The following PIWIL2 variants were observed in gnomAD, a reference collection of about 807,000 sequenced individuals.
PIWIL2 encodes piwi like RNA-mediated gene silencing 2.
Under a neutral mutation model 116.5 loss-of-function variants are expected in PIWIL2, and 81 were observed. That is an observed-to-expected ratio of 0.70 (90% CI 0.58 to 0.84). The LOEUF is 0.84. Among genes scored for constraint, PIWIL2 ranks in the 40% least tolerant of loss-of-function variants. The pLI is 0.00. For missense variants in PIWIL2, 1,272 were observed against 1,212.3 expected, an observed-to-expected ratio of 1.05 and a Z score of -0.73; for synonymous variants, 489 against 429.5, an observed-to-expected ratio of 1.14 and a Z score of -1.71.
At chr8:22,306,717 G>A (rs1052268415) in intron 13 of PIWIL2, among the ~76,000 whole-genome samples, 2 of 152,200 alleles carry the variant, frequency 1.3e-5, no homozygotes, top group Admixed American at 1.3e-4. Context: ...AGCTTGAAGT[G>A]AAGCTCCAAA....
chr8:22,300,136 G>A (rs918897978), intron 10 of PIWIL2, among the ~76,000 whole-genome samples: 3 of 151,768 alleles, frequency 2.0e-5, no homozygotes, highest in Non-Finnish European at 4.4e-5. Flanking sequence ...TCACTATGTT[G>A]CCCAGGCCGG....
At chr8:22,344,969 G>A (rs1399647016) in intron 20 of PIWIL2, among the ~76,000 whole-genome samples, 3 of 152,220 alleles carry the variant, frequency 2.0e-5, no homozygotes, top group African/African-American at 7.2e-5. Flanking sequence ...TAATGGGATT[G>A]TAAAATAAAA....
intron 10 of PIWIL2, among the ~76,000 whole-genome samples, chr8:22,300,067 C>T (rs78894915): frequency 0.049 from 7,468 of 152,078 alleles, 627 homozygotes; most frequent in African/African-American, 0.17. Context: ...GCTGGGATTA[C>T]AGGTGCCTGC....
intron 10 of PIWIL2, among the ~76,000 whole-genome samples, chr8:22,296,084 C>G (rs1351969906): frequency 7.9e-6 from 1 of 126,780 alleles, no homozygotes; most frequent in Non-Finnish European, 1.6e-5. Flanking sequence ...GAGATGGAGT[C>G]TTGCTCTGTT....
chr8:22,287,366 C>T (rs534439146), intron 6 of PIWIL2, among the ~76,000 whole-genome samples, 162 bp from the exon 7 acceptor site: 2 of 152,252 alleles, frequency 1.3e-5, no homozygotes, highest in African/African-American at 2.4e-5. Context: ...GTTTCAGCTG[C>T]GAGCAGGTCT....
At chr8:22,324,478 T>C (rs894125409) in intron 20 of PIWIL2, among the ~76,000 whole-genome samples, 2 of 152,116 alleles carry the variant, frequency 1.3e-5, no homozygotes, top group African/African-American at 2.4e-5. Context: ...AGAGCAGTGT[T>C]ACACAGGTAC....
chr8:22,314,355 A>G lies in PIWIL2; in HGVS notation c.2017A>G (p.Ile673Val). 2 of 1,577,076 alleles carry G rather than the reference A, an allele frequency of 1.3e-6. No homozygotes were observed. Among genetic ancestry groups the G allele is most frequent in the Non-Finnish European group, 1.7e-6 (2 of 1,159,122 alleles). The change falls in exon 17 of 23, where the codon ATC becomes GTC. Residue 673 changes from isoleucine to valine, a missense_variant. Physicochemically the swap from Ile to Val is conservative, Grantham distance 29. Coordinates refer to ENST00000356766, the MANE Select transcript of PIWIL2 (RefSeq NM_018068.5). ...EGKIQMVVCIIMGPRDDLYGA... is the reference protein window; with the variant it reads ...EGKIQMVVCIVMGPRDDLYGA... Reference sequence around the variant, plus strand: ...GAAGATACAGATGGTTGTTTGCATCATCATGGGCCCACGTGATGATCTCTA... The same window carrying G: ...GAAGATACAGATGGTTGTTTGCATCGTCATGGGCCCACGTGATGATCTCTA...
rs745820996 is a variant in PIWIL2 at position 22,281,412 on chromosome 8, C to G, written c.322C>G (p.Leu108Val). The G allele has an allele frequency of 1.9e-6, 3 of 1,608,236 alleles. No individual in the cohort carries two copies. The highest frequency in any genetic ancestry group is 2.2e-5 in the East Asian group (1 of 44,786). The change falls in exon 4 of 23, where the codon CTG becomes GTG. Residue 108 changes from leucine to valine, a missense_variant. Transcript: ENST00000356766. ...TTTAGGTCGAGGCTTGTCTGCTAAT[C>G]TGGTACGCAAGGACAGGGAGGAACT... ...GILGRGLSAN[L>V]VRKDREELSP...
At chr8:22,314,221 C>T (rs1443580890) in intron 16 of PIWIL2, 107 bp from the exon 17 acceptor site, 1 of 483,504 alleles carries the variant, frequency 2.1e-6, no homozygotes, top group Non-Finnish European at 3.7e-6. Context: ...CCCTGTCTTC[C>T]TTAAAGGTCC....
rs1426424824 is a variant in PIWIL2, at chr8:22,290,325, A to G, written c.1160A>G (p.Asn387Ser). 5.0e-6 allele frequency: 8 copies of G among 1,606,138 alleles called. No homozygotes were observed. Among genetic ancestry groups the G allele is most frequent in the Non-Finnish European group, 6.8e-6 (8 of 1,173,040 alleles). Residue 387 changes from asparagine to serine, a missense_variant, in exon 10 of 23, where the codon AAT (asparagine) becomes AGT (serine). Transcript: ENST00000356766. The part of the protein sequence containing the change: ...LADVSHKVIR[N>S]DCVLDVMHAI... ...GATGTCTCCCATAAGGTCATTCGGAATGACTGTGTGCTGGATGTCATGTGA... is the reference window on the plus strand; with the variant it reads ...GATGTCTCCCATAAGGTCATTCGGAGTGACTGTGTGCTGGATGTCATGTGA...
intron 10 of PIWIL2, among the ~76,000 whole-genome samples, chr8:22,301,746 A>G (rs1197970602): frequency 2.0e-5 from 3 of 149,796 alleles, no homozygotes; most frequent in Non-Finnish European, 4.4e-5. Context: ...TTAGGTTTAT[A>G]GTTTTGACTC....
chr8:22,351,831 G>A (rs2132113568), intron 20 of PIWIL2, among the ~76,000 whole-genome samples: 1 of 151,556 alleles, frequency 6.6e-6, no homozygotes, highest in East Asian at 2.0e-4. Context: ...GACCCACCGT[G>A]TCCAGCCCAT....
intron 10 of PIWIL2, among the ~76,000 whole-genome samples, chr8:22,290,802 G>A (rs189272958): frequency 6.6e-5 from 10 of 151,804 alleles, no homozygotes; most frequent in East Asian, 1.9e-4. Flanking sequence ...ATGTGCCCTC[G>A]TCTCTAGTCC....
intron 10 of PIWIL2, among the ~76,000 whole-genome samples, chr8:22,303,438 A>G (rs557352705): frequency 6.6e-6 from 1 of 152,168 alleles, no homozygotes; most frequent in Admixed American, 6.6e-5. Flanking sequence ...GTCACCCAGG[A>G]TGGAGTGCAG....
At chr8:22,299,938 T>C (rs1586554509) in intron 10 of PIWIL2, among the ~76,000 whole-genome samples, 1 of 152,170 alleles carries the variant, frequency 6.6e-6, no homozygotes, top group East Asian at 1.9e-4. Flanking sequence ...TTTATTTTAT[T>C]ATTTTTTTTT....
chr8:22,313,505 G>A (rs2132048244), intron 16 of PIWIL2, among the ~76,000 whole-genome samples: 1 of 152,322 alleles, frequency 6.6e-6, no homozygotes, highest in Admixed American at 6.5e-5. Context: ...TGTTTGCTGT[G>A]TCCAGTCCAT....
At position 22,281,321 on chromosome 8, in the gene PIWIL2, T is replaced by C; in HGVS notation, c.287-56T>C. ...GTGCTTTTTTTAAAAAAAAAAACTA[T>C]ACTTTAAAACACGTTTAAGTCATAG... On this transcript the variant is annotated intron_variant, in intron 3 of 22. Coordinates refer to ENST00000356766, the MANE Select transcript of PIWIL2 (RefSeq NM_018068.5). 4 of 1,566,748 alleles carry C rather than the reference T, an allele frequency of 2.6e-6. No homozygotes were observed. In the South Asian group the frequency reaches 3.6e-5, roughly 14 times the overall value.
At chr8:22,298,692 G>A (rs1386488551) in intron 10 of PIWIL2, among the ~76,000 whole-genome samples, 2 of 152,134 alleles carry the variant, frequency 1.3e-5, no homozygotes, top group Non-Finnish European at 2.9e-5. Flanking sequence ...CTGTTCTATC[G>A]GAAATAAAAA....
Position 22,355,282 on chromosome 8 carries a change from A to G in PIWIL2, c.2766-67A>G, listed in dbSNP as rs753754967. ...TGTGTCATATCCCCGTGACTATTGTATTGTATTGCATGCCACAAATTGAAG... is the reference window on the plus strand; with the variant it reads ...TGTGTCATATCCCCGTGACTATTGTGTTGTATTGCATGCCACAAATTGAAG... On this transcript the variant is annotated intron_variant, in intron 22 of 22. Transcript: ENST00000356766. 448 of 1,504,280 alleles carry G rather than the reference A, an allele frequency of 3.0e-4. 1 individual carries two copies. Among genetic ancestry groups the G allele is most frequent in the Non-Finnish European group, 3.8e-4 (413 of 1,082,852 alleles). 93.2% of individuals were successfully genotyped at this position (1,504,280 alleles called of 1,614,324 possible).
Sources: gnomAD v4.1 joint callset for allele counts (sites outside exome capture counted in the v4.1 genomes callset) on GRCh38, gnomAD v4.1.1 for gene constraint, MANE v1.5 for transcripts, NCBI Gene and HGNC (gene_info 2026-07-23, HGNC 2026-07-21) for gene names.